YEATS2: variants seen among roughly 807,000 people sequenced by gnomAD.
YEATS2 encodes YEATS domain-containing protein 2.
YEATS2 carries 77 observed loss-of-function variants against 163.2 expected under a neutral mutation model. The observed-to-expected ratio is 0.47, with a 90% CI of 0.39 to 0.57. The LOEUF (loss-of-function observed/expected upper bound fraction) is 0.57, where lower values mean the gene tolerates loss of function less well. Ranked by LOEUF, YEATS2 falls within the 20% of genes least tolerant of loss-of-function variation. YEATS2 has a pLI of 0.00. For missense variants in YEATS2, 1,549 were observed against 1,729.8 expected, an observed-to-expected ratio of 0.90 and a Z score of 1.85; for synonymous variants, 631 against 645.1, an observed-to-expected ratio of 0.98 and a Z score of 0.33.
intron 7 of YEATS2, among the ~76,000 whole-genome samples, chr3:183,730,041 GTTTTTTGTTTGTTTTTTTTTTTTTT>G (rs1717564210): frequency 1.2e-5 from 1 of 83,170 alleles, no homozygotes; most frequent in Admixed American, 1.4e-4. Context: ...TAATTGTGTG[GTTTTTTGTTTGTTTTTTTTTTTTTT>G]TTTTTTTTTT....
intron 23 of YEATS2, 55 bp downstream of exon 23, chr3:183,799,044 C>A: frequency 7.6e-7 from 1 of 1,320,458 alleles, no homozygotes; most frequent in South Asian, 1.2e-5. Flanking sequence ...TTTTTATTGT[C>A]GTTCACGTTC....
intron 2 of YEATS2, among the ~76,000 whole-genome samples, chr3:183,716,107 C>T (rs1268211416): frequency 6.6e-6 from 1 of 151,968 alleles, no homozygotes; most frequent in African/African-American, 2.4e-5. Flanking sequence ...CTACAGGCAC[C>T]CGCCACCACG....
chr3:183,724,688 G>A (rs764725780), intron 6 of YEATS2, among the ~76,000 whole-genome samples, 157 bp downstream of exon 6: 15 of 152,172 alleles, frequency 9.9e-5, no homozygotes, highest in Non-Finnish European at 2.2e-4. Context: ...GACTTTATTA[G>A]GGTAATTTTG....
Position 183,752,228 on chromosome 3 carries a change from A to C in YEATS2, c.1125A>C (p.Pro375=). Reference sequence around the variant, plus strand: ...CACCAATAAAGCAGTCACATGAGCCAGTACCCGATACCTCTGTGGAGAAAG... The same window carrying C: ...CACCAATAAAGCAGTCACATGAGCCCGTACCCGATACCTCTGTGGAGAAAG... ...ASSPIKQSHE[P]VPDTSVEKGF... Residue 375 remains proline, a synonymous_variant, in exon 10 of 31, where the codon CCA becomes CCC. Coordinates refer to ENST00000305135, the MANE Select transcript of YEATS2 (RefSeq NM_018023.5). 6.2e-7 allele frequency: 1 copy of C among 1,614,212 alleles called. No homozygotes were observed. Among genetic ancestry groups the C allele is most frequent in the Non-Finnish European group, 8.5e-7 (1 of 1,180,046 alleles).
At chr3:183,715,913 A>G (rs1715803866) in intron 2 of YEATS2, among the ~76,000 whole-genome samples, 1 of 152,210 alleles carries the variant, frequency 6.6e-6, no homozygotes, top group African/African-American at 2.4e-5. Context: ...GTTGTTCCTC[A>G]GAATGTCTTA....
intron 21 of YEATS2, among the ~76,000 whole-genome samples, chr3:183,791,314 C>T (rs920541832): frequency 1.3e-5 from 2 of 152,178 alleles, no homozygotes; most frequent in African/African-American, 2.4e-5. Context: ...GGATTACAGG[C>T]GTGAGCCACT....
chr3:183,722,182 C>A, intron 5 of YEATS2, 46 bp downstream of exon 5: 1 of 1,514,260 alleles, frequency 6.6e-7, no homozygotes, highest in Admixed American at 2.0e-5. Context: ...GAGAAGGGAA[C>A]TATATTTACT....
chr3:183,795,483 TAGAGACGGGGTCTTGC>T (rs1725060105), intron 21 of YEATS2, among the ~76,000 whole-genome samples: 4 of 124,006 alleles, frequency 3.2e-5, no homozygotes, highest in African/African-American at 3.0e-5. Flanking sequence ...TTTTTTTTTT[TAGAGACGGGGTCTTGC>T]TTTGTTGCCG....
intron 23 of YEATS2, among the ~76,000 whole-genome samples, 154 bp downstream of exon 23, chr3:183,799,143 A>G (rs1436444341): frequency 6.6e-6 from 1 of 152,252 alleles, no homozygotes; most frequent in Non-Finnish European, 1.5e-5. Context: ...CACTTGGCAA[A>G]TATGTCCTAA....
chr3:183,713,829 G>A (rs1374855759), intron 1 of YEATS2, among the ~76,000 whole-genome samples: 3 of 152,138 alleles, frequency 2.0e-5, no homozygotes, highest in Non-Finnish European at 4.4e-5. Flanking sequence ...TTTTTGAGAC[G>A]GAGTATTGCT....
At chr3:183,769,290 T>A (rs997515480) in intron 15 of YEATS2, among the ~76,000 whole-genome samples, 16 of 152,334 alleles carry the variant, frequency 1.1e-4, no homozygotes, top group Non-Finnish European at 1.8e-4. Context: ...TTAATTTGTT[T>A]CACCTGCTGA....
At chr3:183,796,258 A>G (rs1206510462) in intron 21 of YEATS2, among the ~76,000 whole-genome samples, 1 of 148,638 alleles carries the variant, frequency 6.7e-6, no homozygotes. Flanking sequence ...TCAGCCTCCC[A>G]AAGTGCTGGG....
rs377610628 is a variant in YEATS2, at chr3:183,728,659, G to A, written c.651-31G>A. On this transcript the variant is annotated intron_variant, in intron 6 of 30. Transcript: ENST00000305135. ...TAGTTAGGTTTTTGAAGGACGAAAA[G>A]AATTCAGGTTTCTTTTTTCTTCTTC... The A allele has an allele frequency of 3.9e-5, 59 of 1,516,042 alleles. No individual in the cohort carries two copies. The South Asian group carries it at 7.6e-4, about 20-fold the overall frequency. 93.9% of individuals were successfully genotyped at this position (1,516,042 alleles called of 1,614,324 possible). A position where few individuals can be genotyped will look rare whatever the true frequency, so the allele number is the denominator to read the frequency against.
Position 183,786,275 on chromosome 3 carries a change from C to T in YEATS2, c.2887C>T (p.Leu963Phe). 6.2e-7 allele frequency: 1 copy of T among 1,613,612 alleles called. No individual in the cohort carries two copies. Among genetic ancestry groups the T allele is most frequent in the Non-Finnish European group, 8.5e-7 (1 of 1,179,658 alleles). The change falls in exon 20 of 31, where the codon CTC becomes TTC. Residue 963 changes from leucine to phenylalanine, a missense_variant. By Grantham distance (22) the Leu-to-Phe change is conservative. Coordinates refer to ENST00000305135, the MANE Select transcript of YEATS2 (RefSeq NM_018023.5). ...ITTATSPAVA[L>F]SANGPAQQSE... is the part of the protein sequence containing the mutation. Reference sequence around the variant, plus strand: ...AACTGCCACTTCCCCTGCCGTGGCCCTCTCAGCAAACGGTCCTGCACAACA... The same window carrying T: ...AACTGCCACTTCCCCTGCCGTGGCCTTCTCAGCAAACGGTCCTGCACAACA...
rs183474584 is a variant in YEATS2, at chr3:183,731,239, C to T, written c.812+2388C>T. On this transcript the variant is annotated intron_variant, in intron 7 of 30. Coordinates refer to ENST00000305135, the MANE Select transcript of YEATS2 (RefSeq NM_018023.5). ...GCTTGAACCAGGGAGTCAAAGGTTGCAGTGAGCCAAGATCGTGCCACTGCA... is the reference window on the plus strand; with the variant it reads ...GCTTGAACCAGGGAGTCAAAGGTTGTAGTGAGCCAAGATCGTGCCACTGCA... Among the ~76,000 whole-genome samples the T allele has an allele frequency of 9.4e-4, 138 of 147,318 alleles. 1 individual carries two copies. The highest frequency in any genetic ancestry group is 1.8e-4 in the Non-Finnish European group (12 of 67,640).
intron 24 of YEATS2, chr3:183,800,899 CACG>C: frequency 4.3e-6 from 1 of 233,056 alleles, no homozygotes; most frequent in Non-Finnish European, 8.5e-6. Flanking sequence ...CAGGTGTGTA[CACG>C]CTTTGTGACT....
Position 183,712,236 on chromosome 3 carries a change from A to C in YEATS2, c.-19-2908A>C, listed in dbSNP as rs971446952. On this transcript the variant is annotated intron_variant, in intron 1 of 30. Transcript: ENST00000305135. ...TATTTTATTTTATTTTTTGAGACAG[A>C]GTCTCACCCTGTCTCCCAGGCTGGA... 4.5e-5 allele frequency among the ~76,000 whole-genome samples: 3 copies of C among 66,806 alleles called. No individual in the cohort carries two copies. In the African/African-American group the frequency reaches 5.8e-4, roughly 13 times the overall value. 43.8% of individuals were successfully genotyped at this position (66,806 alleles called of 152,430 possible).
At chr3:183,771,542 C>G (rs1442238523) in intron 15 of YEATS2, among the ~76,000 whole-genome samples, 2 of 60,812 alleles carry the variant, frequency 3.3e-5, no homozygotes, top group Admixed American at 2.7e-4. Context: ...ATTATTCTTG[C>G]CTTTTTTTTT....
chr3:183,753,751 A>G (rs1365255699), intron 10 of YEATS2, among the ~76,000 whole-genome samples: 1 of 152,216 alleles, frequency 6.6e-6, no homozygotes, highest in Non-Finnish European at 1.5e-5. Flanking sequence ...TGTCTCAAAA[A>G]TAAGTAAATA....
Sources: allele counts gnomAD v4.1 joint callset (sites outside exome capture counted in the v4.1 genomes callset), GRCh38; gene constraint gnomAD v4.1.1; transcripts MANE v1.5; gene names NCBI Gene and HGNC (gene_info 2026-07-23, HGNC 2026-07-21).